STK31: variants seen among roughly 807,000 people sequenced by gnomAD.
The protein encoded by STK31 is serine/threonine kinase 31.
STK31 carries 89 observed loss-of-function variants against 129.7 expected under a neutral mutation model. The observed-to-expected ratio is 0.69, with a 90% CI of 0.58 to 0.82. The LOEUF is 0.82. STK31 is among the 40% of genes least tolerant of loss of function. The pLI is 0.00. For synonymous variants in STK31, 448 were observed against 395.3 expected (o/e 1.13, Z -1.58); for missense variants, 1,187 against 1,176.4 (o/e 1.01, Z -0.13).
chr7:23,723,125 A>G (rs1003232513), intron 4 of STK31, among the ~76,000 whole-genome samples: 1 of 152,200 alleles, frequency 6.6e-6, no homozygotes, highest in Non-Finnish European at 1.5e-5. Flanking sequence ...TTGGAAATGC[A>G]GAAATCACCC....
chr7:23,758,578 A>C (rs1024404695), intron 10 of STK31, among the ~76,000 whole-genome samples: 1 of 151,964 alleles, frequency 6.6e-6, no homozygotes, highest in Non-Finnish European at 1.5e-5. Flanking sequence ...TTGATATGAG[A>C]TCTTTCTAGC....
chr7:23,743,549 T>C (rs1439802001), intron 8 of STK31, among the ~76,000 whole-genome samples: 1 of 152,192 alleles, frequency 6.6e-6, no homozygotes, highest in African/African-American at 2.4e-5. Context: ...CCTTTTTCCT[T>C]CTGTTTTTAG....
At chr7:23,779,020 T>G (rs6461733) in intron 15 of STK31, among the ~76,000 whole-genome samples, 127,616 of 152,064 alleles carry the variant, frequency 0.84, 53,641 homozygotes, top group South Asian at 0.92. Context: ...GTGTTTTTTT[T>G]TGTGTGGACG....
At chr7:23,762,380 T>C (rs1052629711) in intron 10 of STK31, among the ~76,000 whole-genome samples, 2 of 152,130 alleles carry the variant, frequency 1.3e-5, no homozygotes, top group African/African-American at 4.8e-5. Flanking sequence ...TGGATATCTT[T>C]CACATATGTA....
At chr7:23,796,452 G>A (rs1378937438) in intron 22 of STK31, among the ~76,000 whole-genome samples, 1 of 151,784 alleles carries the variant, frequency 6.6e-6, no homozygotes, top group Non-Finnish European at 1.5e-5. Flanking sequence ...ATAGTAAAAA[G>A]CTCCATGAGT....
At chr7:23,811,303 T>C (rs548684880) in intron 22 of STK31, 221 of 417,136 alleles carry the variant, frequency 5.3e-4, no homozygotes, top group African/African-American at 4.5e-3. Flanking sequence ...TGATTTGTTC[T>C]GCAGCTTCTG....
At chr7:23,729,288 A>G (rs12176610) in intron 6 of STK31, 39 bp downstream of exon 6, 403,473 of 1,533,656 alleles carry the variant, frequency 0.26, 56,083 homozygotes, top group Middle Eastern at 0.35. Flanking sequence ...TAATGAAAGT[A>G]AAACTATGTG....
intron 15 of STK31, among the ~76,000 whole-genome samples, chr7:23,780,438 G>A (rs1163553470): frequency 6.6e-6 from 1 of 152,088 alleles, no homozygotes; most frequent in African/African-American, 2.4e-5. Context: ...TGATTTTGAG[G>A]GCTTAAATAT....
At chr7:23,822,607 T>A (rs915727253) in intron 23 of STK31, among the ~76,000 whole-genome samples, 39 of 152,234 alleles carry the variant, frequency 2.6e-4, no homozygotes, top group African/African-American at 8.9e-4. Flanking sequence ...TTTTTCTTTT[T>A]TTATTATTAT....
intron 11 of STK31, among the ~76,000 whole-genome samples, chr7:23,766,623 T>C (rs982270887): frequency 4.6e-5 from 7 of 152,220 alleles, no homozygotes; most frequent in African/African-American, 1.7e-4. Context: ...CTGGAAGTTT[T>C]AAAATTTTCT....
In STK31 at chr7:23,735,723, A is replaced by G. The variant is rs775992460; in HGVS notation, c.669A>G (p.Glu223=). 6.2e-7 allele frequency: 1 copy of G among 1,614,082 alleles called. No homozygotes were observed. The highest frequency in any genetic ancestry group is 1.1e-5 in the South Asian group (1 of 91,072). Residue 223 remains glutamate (E), a synonymous_variant, in exon 7 of 24, where the codon GAA becomes GAG. Transcript: ENST00000355870. The part of the protein sequence containing the change: ...RLASRTDICE[E]KKLDPGQLVL... The stretch of plus-strand genomic sequence containing the variant: ...CTTCCAGAACTGACATCTGTGAGGA[A>G]AAAAAATTGGATCCTGGTCAACTTG...
chr7:23,813,974 T>C (rs540998744), intron 22 of STK31, among the ~76,000 whole-genome samples: 5 of 152,116 alleles, frequency 3.3e-5, no homozygotes, highest in African/African-American at 4.8e-5. Context: ...TGGTGAATGC[T>C]TCCCCTGGCT....
intron 22 of STK31, among the ~76,000 whole-genome samples, chr7:23,801,471 A>AT (rs1479779957): frequency 1.3e-5 from 2 of 151,792 alleles, no homozygotes; most frequent in Admixed American, 6.6e-5. Context: ...ATTTGCAATG[A>AT]TTTTTTTCTG....
Position 23,781,455 on chromosome 7 carries a change from A to C in STK31, c.2002A>C (p.Lys668Gln), listed in dbSNP as rs766293357. 3.2e-5 allele frequency: 52 copies of C among 1,611,548 alleles called. No individual in the cohort carries two copies. In the East Asian group the frequency reaches 1.1e-3, roughly 35 times the overall value. Residue 668 changes from lysine (K) to glutamine (Q), a missense_variant, in exon 16 of 24, where the codon AAA becomes CAA. This residue lies in a region of STK31 where 975 missense variants were observed against 934.9 expected (regional missense o/e 1.04). Transcript: ENST00000355870. Reference sequence around the variant, plus strand: ...TGATGGCTCTCAAATTGAGAAAATAAAAGAAGAAATAACTCAGCTGCGCAA... The same window carrying C: ...TGATGGCTCTCAAATTGAGAAAATACAAGAAGAAATAACTCAGCTGCGCAA... The part of the protein sequence containing the change: ...DPDGSQIEKI[K>Q]EEITQLRNNV...
chr7:23,729,814 A>G (rs1172968895), intron 6 of STK31, among the ~76,000 whole-genome samples: 1 of 152,136 alleles, frequency 6.6e-6, no homozygotes, highest in African/African-American at 2.4e-5. Context: ...CCAGCCAAGG[A>G]TAGTCTCTTA....
intron 22 of STK31, among the ~76,000 whole-genome samples, chr7:23,799,378 G>A (rs1017395357): frequency 2.0e-5 from 3 of 152,104 alleles, no homozygotes; most frequent in Admixed American, 1.3e-4. Context: ...GCATGGTACC[G>A]GTACCAAAAT....
At chr7:23,775,639 T>C (rs1584425480) in intron 15 of STK31, among the ~76,000 whole-genome samples, 2 of 152,242 alleles carry the variant, frequency 1.3e-5, no homozygotes, top group African/African-American at 2.4e-5. Context: ...TTGCCTATTA[T>C]TGGTGTATAG....
Position 23,769,011 on chromosome 7 carries a change from T to C in STK31, c.1433T>C (p.Leu478Ser), listed in dbSNP as rs773268084. 1.9e-6 allele frequency: 3 copies of C among 1,602,450 alleles called. No homozygotes were observed. The African/African-American group carries it at 4.0e-5, about 22-fold the overall frequency. Residue 478 changes from leucine to serine, a missense_variant, in exon 12 of 24, where the codon TTA becomes TCA. Physicochemically the swap from Leu to Ser is moderately radical, Grantham distance 145. Transcript: ENST00000355870. ...TCTCTGCAGGATTTGTCAGTCTCTT[T>C]AGAAGCAGTGTATGGACAAGCCAAA... is the stretch of plus-strand genomic sequence containing the variant. ...LKTLQDLSVS[L>S]EAVYGQAKEG...
At chr7:23,830,625 T>TGTGTGTGTGTGC (rs1794488775) in intron 23 of STK31, among the ~76,000 whole-genome samples, 1 of 150,568 alleles carries the variant, frequency 6.6e-6, no homozygotes, top group African/African-American at 2.5e-5. Context: ...TGTGTGTGTG[T>TGTGTGTGTGTGC]GTGTTGTTTT....
Sources: allele counts gnomAD v4.1 joint callset (sites outside exome capture counted in the v4.1 genomes callset), GRCh38; gene constraint gnomAD v4.1.1; regional missense constraint gnomAD v4.1.1; transcripts MANE v1.5; gene names NCBI Gene and HGNC (gene_info 2026-07-23, HGNC 2026-07-21).